Variants in POM121C observed in about 807,000 individuals in gnomAD.
POM121C encodes nuclear envelope pore membrane protein POM 121C.
POM121C carries 20 observed loss-of-function variants against 66.4 expected under a neutral mutation model. The ratio of observed to expected loss-of-function variants is 0.30; its 90% CI spans 0.21 to 0.44. The LOEUF (loss-of-function observed/expected upper bound fraction) is 0.44, where lower values mean the gene tolerates loss of function less well. POM121C is among the 20% of genes least tolerant of loss of function. POM121C has a pLI of 1.00. For missense variants in POM121C, 580 were observed against 1,225.7 expected (o/e 0.47, Z 7.87); for synonymous variants, 286 against 528.0 (o/e 0.54, Z 6.28).
intron 12 of POM121C, 128 bp downstream of exon 12, chr7:75,423,921 T>A (rs1789827053): frequency 6.7e-7 from 1 of 1,502,274 alleles, no homozygotes; most frequent in African/African-American, 1.4e-5. Flanking sequence ...CCCGCTCCGG[T>A]GTGCTGAGCC....
intron 3 of POM121C, among the ~76,000 whole-genome samples, chr7:75,453,798 A>AATG (rs1397867491): frequency 6.6e-6 from 1 of 151,790 alleles, no homozygotes. Context: ...AAGTGTGATC[A>AATG]ATGGGAGGGG....
At chr7:75,452,599 C>T (rs587742336) in intron 3 of POM121C, among the ~76,000 whole-genome samples, 3 of 152,084 alleles carry the variant, frequency 2.0e-5, no homozygotes, top group Non-Finnish European at 2.9e-5. Context: ...GATCTTTGTT[C>T]GAGATCCAGG....
intron 3 of POM121C, among the ~76,000 whole-genome samples, chr7:75,448,769 C>T (rs1790921905): frequency 6.7e-6 from 1 of 149,262 alleles, no homozygotes; most frequent in South Asian, 2.1e-4. Context: ...CACTGCACTC[C>T]AGCCTGGGCA....
chr7:75,424,292 G>A, intron 11 of POM121C, 67 bp from the exon 12 acceptor site: 8 of 1,568,344 alleles, frequency 5.1e-6, no homozygotes, highest in South Asian at 4.5e-5. Context: ...GCCTGTCGGA[G>A]AGCAGGCTCT....
chr7:75,474,834 T>C lies in POM121C; in HGVS notation c.-282A>G, dbSNP rs587673290. 3.5e-5 allele frequency: 45 copies of C among 1,296,010 alleles called. No homozygotes were observed. The Admixed American group carries it at 4.7e-4, about 13-fold the overall frequency. The allele number at this position is 1,296,010 out of a possible 1,614,324, so 80.3% of individuals were successfully genotyped here. A position where few individuals can be genotyped will look rare whatever the true frequency, so the allele number is the denominator to read the frequency against. ...GGAAAAGAAGAAGGACTTGGGCAAG[T>C]TGCTCGGCTTCAGAATCTCCGAAGT... On this transcript the variant is annotated 5_prime_UTR_variant, in exon 3 of 15. Coordinates refer to ENST00000615331, the MANE Select transcript of POM121C (RefSeq NM_001099415.3).
chr7:75,424,057 G>A lies in POM121C; in HGVS notation c.1040C>T (p.Pro347Leu), dbSNP rs1789835492. Residue 347 changes from proline to leucine, a missense_variant, in exon 12 of 15, where the codon CCC (proline) becomes CTC (leucine). Pro to Leu is a moderately conservative substitution (Grantham distance 98). Transcript: ENST00000615331. ...KKMQTPPSLP[P>L]CPESAGAATT... ...GCCCCACTCCAGCTCACCTGGGCAGGGTGGCAGGCTCGGGGGAGTCTGCAT... is the reference window on the plus strand; with the variant it reads ...GCCCCACTCCAGCTCACCTGGGCAGAGTGGCAGGCTCGGGGGAGTCTGCAT... 6.2e-7 allele frequency: 1 copy of A among 1,611,470 alleles called. No homozygotes were observed. The highest frequency in any genetic ancestry group is 2.2e-5 in the East Asian group (1 of 44,844).
intron 7 of POM121C, among the ~76,000 whole-genome samples, chr7:75,428,551 C>T (rs1224117532): frequency 6.6e-6 from 1 of 152,156 alleles, no homozygotes; most frequent in Non-Finnish European, 1.5e-5. Flanking sequence ...AGTTTCAGAC[C>T]AGCCTGGGCA....
At chr7:75,483,592 G>T (rs1246600650) in intron 1 of POM121C, among the ~76,000 whole-genome samples, 1 of 152,074 alleles carries the variant, frequency 6.6e-6, no homozygotes, top group African/African-American at 2.4e-5. Flanking sequence ...CCCAGTCTTG[G>T]TTATTTCTCT....
rs2923700 is a variant in POM121C, at chr7:75,475,065, A to G, written c.-334T>C. 88,262 of 1,315,200 alleles carry G rather than the reference A, an allele frequency of 0.067. 7,215 individuals carry two copies. The highest frequency in any genetic ancestry group is 0.12 in the Middle Eastern group (512 of 4,252). 81.5% of individuals were successfully genotyped at this position (1,315,200 alleles called of 1,614,324 possible). Reference sequence around the variant, plus strand: ...TCAGAAAGCAAGCTATCCTCACCCAAGGAAACTAGATGGCTGTAGTTCTCC... The same window carrying G: ...TCAGAAAGCAAGCTATCCTCACCCAGGGAAACTAGATGGCTGTAGTTCTCC... On this transcript the variant is annotated 5_prime_UTR_variant, in exon 2 of 15. Coordinates refer to ENST00000615331, the MANE Select transcript of POM121C (RefSeq NM_001099415.3).
At chr7:75,476,626 G>A (rs1360656365) in intron 1 of POM121C, among the ~76,000 whole-genome samples, 1 of 152,004 alleles carries the variant, frequency 6.6e-6, no homozygotes, top group Non-Finnish European at 1.5e-5. Flanking sequence ...CACCGAGAGA[G>A]AGTAATAACT....
intron 7 of POM121C, among the ~76,000 whole-genome samples, chr7:75,427,601 T>G (rs1554471865): frequency 1.3e-5 from 2 of 151,442 alleles, no homozygotes; most frequent in African/African-American, 4.9e-5. Context: ...CTCTGCTTCC[T>G]CCACAGACCA....
In POM121C at chr7:75,482,184, G is replaced by A. The variant is rs587754137; in HGVS notation, c.-458+3680C>T. Among the ~76,000 whole-genome samples, 343 of 152,166 alleles carry A rather than the reference G, an allele frequency of 2.3e-3. 3 individuals carry two copies. The highest frequency in any genetic ancestry group is 7.8e-3 in the African/African-American group (323 of 41,480). On this transcript the variant is annotated intron_variant, in intron 1 of 14. Coordinates refer to ENST00000615331, the MANE Select transcript of POM121C (RefSeq NM_001099415.3). Reference sequence around the variant, plus strand: ...CCAGTTTCTTCAAAACAATGAGCACGCAGGAGACATACTATGGGAACTATT... The same window carrying A: ...CCAGTTTCTTCAAAACAATGAGCACACAGGAGACATACTATGGGAACTATT...
At chr7:75,477,420 TA>T (rs1792132852) in intron 1 of POM121C, among the ~76,000 whole-genome samples, 1 of 152,008 alleles carries the variant, frequency 6.6e-6, no homozygotes, top group Non-Finnish European at 1.5e-5. Context: ...CTATCTCTAC[TA>T]AAAATCCAAA....
chr7:75,468,313 C>CTTTT (rs59483137), intron 3 of POM121C, among the ~76,000 whole-genome samples: 148 of 89,754 alleles, frequency 1.6e-3, no homozygotes, highest in African/African-American at 4.6e-3. Context: ...AAGACTCCAG[C>CTTTT]TTTTTTTTTT....
In POM121C at chr7:75,463,469, T is replaced by TA. The variant is rs1554477333; in HGVS notation, c.-152+11234dup. Among the ~76,000 whole-genome samples, 353 of 150,398 alleles carry TA rather than the reference T, an allele frequency of 2.3e-3. 3 individuals are homozygous for TA. Among genetic ancestry groups the TA allele is most frequent in the African/African-American group, 8.1e-3 (332 of 40,990 alleles). ...TTTTTCTTTTTTTTTTTTTTTTTTT[T>TA]ACCTTTGGCATCTGGCATTCAAGGA... On this transcript the variant is annotated intron_variant, in intron 3 of 14. Transcript: ENST00000615331.
chr7:75,473,898 C>T (rs1420941551), intron 3 of POM121C, among the ~76,000 whole-genome samples: 11 of 151,928 alleles, frequency 7.2e-5, no homozygotes, highest in African/African-American at 1.2e-4. Flanking sequence ...CCGTTTTAGC[C>T]GGGATGGTCT....
intron 3 of POM121C, among the ~76,000 whole-genome samples, chr7:75,471,826 C>A (rs1311967975): frequency 3.3e-5 from 5 of 152,148 alleles, no homozygotes; most frequent in South Asian, 2.1e-4. Flanking sequence ...TATTGCTCAA[C>A]AATGCAAATA....
At chr7:75,483,304 T>G (rs1554480405) in intron 1 of POM121C, among the ~76,000 whole-genome samples, 6 of 152,150 alleles carry the variant, frequency 3.9e-5, no homozygotes, top group Non-Finnish European at 1.5e-5. Flanking sequence ...TCCCAGAAAA[T>G]CTTTTAAGTC....
At chr7:75,465,851 A>G (rs1584703565) in intron 3 of POM121C, among the ~76,000 whole-genome samples, 2 of 130,238 alleles carry the variant, frequency 1.5e-5, no homozygotes, top group Admixed American at 1.9e-4. Flanking sequence ...AGCTATACTC[A>G]CACCACTGCA....
Sources: gnomAD v4.1 joint callset for allele counts (sites outside exome capture counted in the v4.1 genomes callset) on GRCh38, gnomAD v4.1.1 for gene constraint, MANE v1.5 for transcripts, NCBI Gene and HGNC (gene_info 2026-07-23, HGNC 2026-07-21) for gene names.